FAM53A: variants seen among roughly 807,000 people sequenced by gnomAD.
The protein encoded by FAM53A is family with sequence similarity 53 member A, also known as protein FAM53A.
A neutral mutation model predicts 26.6 loss-of-function variants in FAM53A; 28 were observed. The observed-to-expected ratio is 1.05, with a 90% CI of 0.78 to 1.45. The LOEUF (loss-of-function observed/expected upper bound fraction) is 1.45, where lower values mean the gene tolerates loss of function less well. Among genes scored for constraint, FAM53A ranks in the 40% most tolerant of loss-of-function variants. The pLI is 0.00. For missense variants in FAM53A, 650 were observed against 575.8 expected (o/e 1.13, Z -1.32); for synonymous variants, 290 against 253.1 (o/e 1.15, Z -1.38).
chr4:1,662,811 T>C (rs966212834), intron 2 of FAM53A, among the ~76,000 whole-genome samples: 1 of 151,820 alleles, frequency 6.6e-6, no homozygotes, highest in Admixed American at 6.6e-5. Flanking sequence ...CATAGGGAAA[T>C]GAAAATCAGA....
chr4:1,600,590 G>T, the FAM53A span, among the ~76,000 whole-genome samples: 1 of 152,162 alleles, frequency 6.6e-6, no homozygotes, highest in East Asian at 1.9e-4. Flanking sequence ...CATTGCTGTG[G>T]CCGGCACACT....
At chr4:1,663,164 C>A (rs1713980442) in intron 2 of FAM53A, among the ~76,000 whole-genome samples, 1 of 150,030 alleles carries the variant, frequency 6.7e-6, no homozygotes. Context: ...TGCACTCCAG[C>A]CTGGGCGAAA....
intron 1 of FAM53A, among the ~76,000 whole-genome samples, chr4:1,619,649 G>A (rs891719174): frequency 1.5e-4 from 22 of 151,634 alleles, no homozygotes; most frequent in African/African-American, 3.9e-4. Context: ...CATCTCCAGC[G>A]TCTCTGACTC....
the FAM53A span, among the ~76,000 whole-genome samples, chr4:1,599,969 C>T: frequency 7.9e-5 from 12 of 152,096 alleles, no homozygotes; most frequent in Non-Finnish European, 1.5e-4. This position sits in a 1 kb window ranked among gnomAD's most constrained non-coding sequence, Gnocchi z 6.1. Flanking sequence ...CTCTCCCTTC[C>T]CCTGATGCAG....
downstream of FAM53A, among the ~76,000 whole-genome samples, chr4:1,616,678 TAAG>T (rs1244521510): frequency 6.6e-6 from 1 of 152,226 alleles, no homozygotes; most frequent in Non-Finnish European, 1.5e-5. Context: ...AAGGCTTTGA[TAAG>T]AAGGATGCAG....
Position 1,640,828 on chromosome 4 carries a change from A to C in FAM53A, c.*465T>G, listed in dbSNP as rs12511491. 21 of 376,652 alleles carry C rather than the reference A, an allele frequency of 5.6e-5. No homozygotes were observed. The highest frequency in any genetic ancestry group is 1.1e-4 in the African/African-American group (4 of 37,508). The allele number at this position is 376,652 out of a possible 1,614,324, so 23.3% of individuals were successfully genotyped here. On this transcript the variant is annotated 3_prime_UTR_variant, in exon 5 of 5. Coordinates refer to ENST00000308132, the MANE Select transcript of FAM53A (RefSeq NM_001174070.3). ...CTACTCTGTGCCCCGGGGCAGGTGC[A>C]GGCGGCAGCCATGGCCCCGACCAGC...
At chr4:1,629,360 C>G (rs1715507696) in intron 1 of FAM53A, among the ~76,000 whole-genome samples, 1 of 152,230 alleles carries the variant, frequency 6.6e-6, no homozygotes, top group African/African-American at 2.4e-5. Context: ...CCAGGCCAGA[C>G]CACCCGGCAG....
At chr4:1,587,686 C>G in the FAM53A span, among the ~76,000 whole-genome samples, 1 of 152,050 alleles carries the variant, frequency 6.6e-6, no homozygotes, top group African/African-American at 2.4e-5. Context: ...ATAAAAAAAC[C>G]TCCTCCCTTT....
At chr4:1,658,512 G>A (rs1338730793) in intron 2 of FAM53A, among the ~76,000 whole-genome samples, 2 of 152,248 alleles carry the variant, frequency 1.3e-5, no homozygotes. Context: ...CGGGACCTGA[G>A]CGCCTAAGCC....
At chr4:1,661,719 C>A (rs999226824) in intron 2 of FAM53A, among the ~76,000 whole-genome samples, 2 of 152,080 alleles carry the variant, frequency 1.3e-5, no homozygotes, top group Admixed American at 6.5e-5. Flanking sequence ...GGCAGCTCAG[C>A]GAGGCACCCG....
chr4:1,667,429 C>G (rs1714316613), intron 2 of FAM53A, among the ~76,000 whole-genome samples: 1 of 152,222 alleles, frequency 6.6e-6, no homozygotes, highest in African/African-American at 2.4e-5. Flanking sequence ...CGTGGACTGA[C>G]AGCCGGAAAC....
chr4:1,685,865 C>T (rs1379177297), upstream of FAM53A, among the ~76,000 whole-genome samples: 1 of 152,208 alleles, frequency 6.6e-6, no homozygotes, highest in Non-Finnish European at 1.5e-5. Flanking sequence ...CGGGGCGAGG[C>T]TCTGCCCATG....
At position 1,660,980 on chromosome 4, in the gene FAM53A, C is replaced by T. The variant is rs570018794; in HGVS notation, c.76-3512G>A. Among the ~76,000 whole-genome samples the T allele has an allele frequency of 4.7e-4, 72 of 152,212 alleles. 1 individual carries two copies. Among genetic ancestry groups the T allele is most frequent in the African/African-American group, 1.6e-3 (68 of 41,524 alleles). On this transcript the variant is annotated intron_variant, in intron 2 of 4. Coordinates refer to ENST00000308132, the MANE Select transcript of FAM53A (RefSeq NM_001174070.3). ...CACAGGGCTGGAGGACACCACAGCCCGCCACCCACCCATACCGTGCCCGCC... is the reference window on the plus strand; with the variant it reads ...CACAGGGCTGGAGGACACCACAGCCTGCCACCCACCCATACCGTGCCCGCC...
intron 2 of FAM53A, among the ~76,000 whole-genome samples, chr4:1,667,465 G>A (rs1316337320): frequency 1.3e-5 from 2 of 152,154 alleles, no homozygotes; most frequent in Admixed American, 6.5e-5. Flanking sequence ...CACAGCCAGC[G>A]CTGCCACGGT....
chr4:1,589,209 T>C, the FAM53A span, among the ~76,000 whole-genome samples: 1 of 152,242 alleles, frequency 6.6e-6, no homozygotes, highest in Non-Finnish European at 1.5e-5. Flanking sequence ...TCCAGTGCTA[T>C]CAAATCCTTT....
downstream of FAM53A, among the ~76,000 whole-genome samples, chr4:1,613,699 G>A (rs535458090): frequency 3.3e-5 from 5 of 152,076 alleles, no homozygotes; most frequent in South Asian, 6.3e-4. Flanking sequence ...CAGGTGTGCC[G>A]GGACAGCTCC....
chr4:1,637,422 G>C (rs913406314), downstream of FAM53A, among the ~76,000 whole-genome samples: 1 of 152,172 alleles, frequency 6.6e-6, no homozygotes, highest in Admixed American at 6.5e-5. Context: ...CAGCCCTCGA[G>C]GGACAGAGGG....
chr4:1,578,218 T>G, the FAM53A span, among the ~76,000 whole-genome samples: 1 of 152,162 alleles, frequency 6.6e-6, no homozygotes, highest in Non-Finnish European at 1.5e-5. Context: ...TCTATTGAAA[T>G]CGCTATTCCC....
chr4:1,597,331 C>T, the FAM53A span, among the ~76,000 whole-genome samples: 3 of 152,148 alleles, frequency 2.0e-5, no homozygotes, highest in Admixed American at 6.5e-5. Flanking sequence ...CCCACCGGCC[C>T]GACACAGCTT....
Sources: gnomAD v4.1 joint callset for allele counts (sites outside exome capture counted in the v4.1 genomes callset) on GRCh38, gnomAD v4.1.1 for gene constraint, Gnocchi (gnomAD v3.1) non-coding constraint, MANE v1.5 for transcripts, NCBI Gene and HGNC (gene_info 2026-07-23, HGNC 2026-07-21) for gene names.